PMPCB: variants seen among roughly 807,000 people sequenced by gnomAD.
The protein encoded by PMPCB is mitochondrial-processing peptidase subunit beta.
Under a neutral mutation model 61.5 loss-of-function variants are expected in PMPCB, and 46 were observed. The ratio of observed to expected loss-of-function variants is 0.75; its 90% CI spans 0.59 to 0.96. PMPCB has a LOEUF of 0.96. Ranked by LOEUF, PMPCB falls within the 40% of genes least tolerant of loss-of-function variation. PMPCB has a pLI of 0.00. For missense variants in PMPCB, 590 were observed against 602.4 expected (o/e 0.98, Z 0.22); for synonymous variants, 191 against 201.6 (o/e 0.95, Z 0.44).
At chr7:103,308,893 A>G in intron 7 of PMPCB, 59 bp from the exon 8 acceptor site, 4 of 1,354,570 alleles carry the variant, frequency 3.0e-6, no homozygotes, top group South Asian at 1.8e-5. Flanking sequence ...TTCCTTGTTA[A>G]TAAGCATGTT....
intron 4 of PMPCB, 150 bp downstream of exon 4, chr7:103,300,457 T>A (rs867586313): frequency 1.2e-5 from 6 of 507,496 alleles, no homozygotes; most frequent in African/African-American, 7.9e-5. Context: ...CAGCTGATCT[T>A]ATTTTTTTTC....
intron 7 of PMPCB, among the ~76,000 whole-genome samples, chr7:103,307,985 TC>T (rs1186093683): frequency 6.6e-6 from 1 of 152,242 alleles, no homozygotes; most frequent in Non-Finnish European, 1.5e-5. Context: ...TATAATTTGG[TC>T]TTTTTGTGCT....
Position 103,297,554 on chromosome 7 carries a change from G to A in PMPCB, c.95G>A (p.Gly32Glu). Reference sequence around the variant, plus strand: ...AGTCTTCTAATCCGAGGCGCTGCGGGACGGGTGAGCTTCCCTCCAGGCCGG... The same window carrying A: ...AGTCTTCTAATCCGAGGCGCTGCGGAACGGGTGAGCTTCCCTCCAGGCCGG... ...SESLLIRGAA[G>E]RSLYFGENRL... Residue 32 changes from glycine (G) to glutamate (E), a missense_variant, in exon 1 of 13, where the codon GGA becomes GAA. Coordinates refer to ENST00000249269, the MANE Select transcript of PMPCB (RefSeq NM_004279.3). 2 of 1,610,954 alleles carry A rather than the reference G, an allele frequency of 1.2e-6. No homozygotes were observed. Among genetic ancestry groups the A allele is most frequent in the East Asian group, 2.2e-5 (1 of 44,756 alleles).
At chr7:103,311,537 G>A in intron 9 of PMPCB, 106 bp from the exon 10 acceptor site, 1 of 729,744 alleles carries the variant, frequency 1.4e-6, no homozygotes, top group Non-Finnish European at 2.3e-6. Flanking sequence ...GAATTAAATT[G>A]TAATCACCTG....
chr7:103,347,111 C>G, the PMPCB span, among the ~76,000 whole-genome samples: 1 of 152,212 alleles, frequency 6.6e-6, no homozygotes, highest in Non-Finnish European at 1.5e-5. Flanking sequence ...TATCATTTTA[C>G]ATTTACATCA....
chr7:103,347,122 A>G, the PMPCB span, among the ~76,000 whole-genome samples: 1 of 152,218 alleles, frequency 6.6e-6, no homozygotes, highest in South Asian at 2.1e-4. Flanking sequence ...ATTTACATCA[A>G]CAGTGCACCA....
At chr7:103,346,764 G>A in the PMPCB span, among the ~76,000 whole-genome samples, 10 of 151,882 alleles carry the variant, frequency 6.6e-5, no homozygotes, top group African/African-American at 2.4e-4. Flanking sequence ...TGTCTTCAAG[G>A]TTCATCTGTG....
the PMPCB span, chr7:103,337,179 T>C: frequency 3.9e-5 from 6 of 152,480 alleles, no homozygotes; most frequent in African/African-American, 7.2e-5. Context: ...TTGCAAAGCA[T>C]AGGACATTTA....
chr7:103,299,630 T>A (rs755092630), intron 3 of PMPCB, 101 bp downstream of exon 3: 1 of 629,426 alleles, frequency 1.6e-6, no homozygotes, highest in Non-Finnish European at 2.8e-6. Context: ...TAGTATAACA[T>A]GTTTTATGTT....
At chr7:103,316,627 G>T (rs1818071851), downstream of PMPCB, 2 of 547,986 alleles carry the variant, frequency 3.6e-6, no homozygotes, top group Non-Finnish European at 6.4e-6. Context: ...CAAGTATTCT[G>T]TCATATGTAT....
At chr7:103,320,527 G>T (rs996458104) in intron 12 of PMPCB, among the ~76,000 whole-genome samples, 2 of 151,298 alleles carry the variant, frequency 1.3e-5, no homozygotes, top group Non-Finnish European at 2.9e-5. Flanking sequence ...TTGGGAGGCC[G>T]AGGCAGGCGG....
chr7:103,320,792 CTGT>C (rs1563459971), intron 12 of PMPCB: 1 of 161,994 alleles, frequency 6.2e-6, no homozygotes, highest in African/African-American at 2.7e-5. Context: ...TATTCTGAAA[CTGT>C]GTCTATATTC....
Position 103,312,302 on chromosome 7 carries a change from T to C in PMPCB, c.*31T>C, listed in dbSNP as rs1456770162. Reference sequence around the variant, plus strand: ...TCCTAATCAAGATTGTTTGAACACATGTATTTATAAAACAGAGCTAGAGAA... The same window carrying C: ...TCCTAATCAAGATTGTTTGAACACACGTATTTATAAAACAGAGCTAGAGAA... On this transcript the variant is annotated 3_prime_UTR_variant, in exon 13 of 13. Coordinates refer to ENST00000249269, the MANE Select transcript of PMPCB (RefSeq NM_004279.3). The C allele has an allele frequency of 3.7e-6, 6 of 1,605,514 alleles. No individual in the cohort carries two copies. The East Asian group carries it at 1.3e-4, about 36-fold the overall frequency.
chr7:103,344,156 G>C, the PMPCB span: 2 of 199,204 alleles, frequency 1.0e-5, no homozygotes, highest in East Asian at 2.4e-4. Flanking sequence ...GAGGGAGAAA[G>C]TTGTTTAAGA....
chr7:103,339,406 C>T, the PMPCB span, among the ~76,000 whole-genome samples: 2 of 152,156 alleles, frequency 1.3e-5, no homozygotes, highest in East Asian at 1.9e-4. Flanking sequence ...TGTCTTTTCC[C>T]GACTCTGCCT....
At chr7:103,346,591 A>G in the PMPCB span, among the ~76,000 whole-genome samples, 5 of 152,206 alleles carry the variant, frequency 3.3e-5, no homozygotes, top group Admixed American at 3.3e-4. Context: ...CTCTATACCC[A>G]TTTAATCTCT....
At chr7:103,308,220 G>C (rs961360924) in intron 7 of PMPCB, among the ~76,000 whole-genome samples, 10 of 152,224 alleles carry the variant, frequency 6.6e-5, no homozygotes, top group Non-Finnish European at 1.5e-4. Context: ...TGAGGATGAT[G>C]CTCAAAGTAG....
chr7:103,315,276 C>G (rs777314382), downstream of PMPCB, among the ~76,000 whole-genome samples: 5 of 151,642 alleles, frequency 3.3e-5, no homozygotes, highest in Non-Finnish European at 7.4e-5. Context: ...TCCCTGTATA[C>G]TCTGCCTACA....
intron 12 of PMPCB, chr7:103,323,698 GA>G: frequency 7.6e-7 from 1 of 1,317,372 alleles, no homozygotes; most frequent in Non-Finnish European, 1.0e-6. Flanking sequence ...GATCAAGACA[GA>G]ATAAATGAAA....
Sources: allele counts gnomAD v4.1 joint callset (sites outside exome capture counted in the v4.1 genomes callset), GRCh38; gene constraint gnomAD v4.1.1; transcripts MANE v1.5; gene names NCBI Gene and HGNC (gene_info 2026-07-23, HGNC 2026-07-21).